Variants in MAP4K3 observed in about 807,000 individuals in gnomAD.
The protein encoded by MAP4K3 is MAPK/ERK kinase kinase kinase 3.
In MAP4K3, 94 loss-of-function variants were observed where a neutral mutation model predicts 143.5. The observed-to-expected ratio is 0.65, with a 90% CI of 0.55 to 0.78. MAP4K3 has a LOEUF of 0.78. MAP4K3 is among the 30% of genes least tolerant of loss of function. The pLI is 0.00. For synonymous variants in MAP4K3, 416 were observed against 347.2 expected (o/e 1.20, Z -2.20); for missense variants, 1,077 against 1,068.1 (o/e 1.01, Z -0.12).
Position 39,288,304 on chromosome 2 carries a change from C to A in MAP4K3, c.1315-24G>T, listed in dbSNP as rs773347539. 11 of 1,601,614 alleles carry A rather than the reference C, an allele frequency of 6.9e-6. No homozygotes were observed. The East Asian group carries it at 8.9e-5, about 13-fold the overall frequency. ...GGCTGAAATAATATAGAAAAAGAGA[C>A]CAACAATGAAACATCAAATTATTTT... On this transcript the variant is annotated intron_variant, in intron 19 of 33. Transcript: ENST00000263881.
At chr2:39,282,194 C>CA (rs58168334) in intron 22 of MAP4K3, among the ~76,000 whole-genome samples, 15,609 of 105,866 alleles carry the variant, frequency 0.15, 1,133 homozygotes, top group African/African-American at 0.27. Context: ...GACTCCGTCT[C>CA]AAAAAAAAAA....
At chr2:39,389,082 T>C (rs1484483088) in intron 1 of MAP4K3, among the ~76,000 whole-genome samples, 1 of 152,052 alleles carries the variant, frequency 6.6e-6, no homozygotes, top group Non-Finnish European at 1.5e-5. Context: ...AGGTATTAAA[T>C]ACATAGGACA....
At chr2:39,374,997 C>T (rs1666179312) in intron 2 of MAP4K3, among the ~76,000 whole-genome samples, 2 of 152,148 alleles carry the variant, frequency 1.3e-5, no homozygotes, top group African/African-American at 4.8e-5. Flanking sequence ...CATAGTGGCT[C>T]ATGCTTGTAA....
chr2:39,353,325 T>C (rs1268205824), intron 3 of MAP4K3, among the ~76,000 whole-genome samples: 1 of 152,210 alleles, frequency 6.6e-6, no homozygotes, highest in Admixed American at 6.5e-5. Context: ...GGGAAGAATC[T>C]CTACAGAAGA....
chr2:39,358,317 T>G (rs761127892), intron 2 of MAP4K3, among the ~76,000 whole-genome samples: 7 of 152,186 alleles, frequency 4.6e-5, no homozygotes, highest in Non-Finnish European at 1.0e-4. Flanking sequence ...ATCATCTTTG[T>G]ACCCCTAGTA....
intron 12 of MAP4K3, among the ~76,000 whole-genome samples, chr2:39,322,616 G>A (rs946763186): frequency 1.8e-3 from 268 of 149,654 alleles, no homozygotes; most frequent in African/African-American, 6.0e-3. Context: ...GTGTGTGTGT[G>A]TATATATGTA....
intron 1 of MAP4K3, among the ~76,000 whole-genome samples, chr2:39,436,103 T>C (rs1323466024): frequency 6.6e-6 from 1 of 152,172 alleles, no homozygotes; most frequent in East Asian, 1.9e-4. Context: ...GCAGTAACTG[T>C]GAGGCCAAGA....
chr2:39,351,915 C>G (rs1665470926), intron 3 of MAP4K3, among the ~76,000 whole-genome samples: 1 of 152,212 alleles, frequency 6.6e-6, no homozygotes, highest in African/African-American at 2.4e-5. Context: ...AGATGATCCA[C>G]CTGCCTCAGC....
intron 15 of MAP4K3, among the ~76,000 whole-genome samples, chr2:39,302,763 C>A (rs769250377): frequency 6.6e-6 from 1 of 152,170 alleles, no homozygotes; most frequent in Non-Finnish European, 1.5e-5. Context: ...AGTGTTTACA[C>A]AGTAGAGTCA....
At chr2:39,318,298 G>C (rs1441676884) in intron 12 of MAP4K3, among the ~76,000 whole-genome samples, 1 of 151,998 alleles carries the variant, frequency 6.6e-6, no homozygotes, top group African/African-American at 2.4e-5. Context: ...CTAGGCTTAT[G>C]ACCTGGGTGA....
intron 24 of MAP4K3, among the ~76,000 whole-genome samples, chr2:39,277,910 A>G (rs942929891): frequency 1.3e-5 from 2 of 151,864 alleles, no homozygotes. Context: ...GGGGTGGCTC[A>G]TATCTATAAT....
intron 1 of MAP4K3, among the ~76,000 whole-genome samples, chr2:39,378,725 ACAGT>A (rs1256400834): frequency 1.3e-5 from 2 of 152,120 alleles, no homozygotes; most frequent in Non-Finnish European, 2.9e-5. Flanking sequence ...ACCTGATGGT[ACAGT>A]CAAATACATG....
At chr2:39,431,107 A>C (rs1434014168) in intron 1 of MAP4K3, among the ~76,000 whole-genome samples, 6 of 152,230 alleles carry the variant, frequency 3.9e-5, no homozygotes, top group Non-Finnish European at 2.9e-5. Flanking sequence ...ACAGGCTATA[A>C]ACAAATAAAC....
At chr2:39,389,283 G>A (rs1363049837) in intron 1 of MAP4K3, among the ~76,000 whole-genome samples, 2 of 152,182 alleles carry the variant, frequency 1.3e-5, no homozygotes, top group South Asian at 2.1e-4. Flanking sequence ...GCAGCAAAGA[G>A]AGCAAGAGAT....
At chr2:39,315,418 G>C (rs781515266) in intron 12 of MAP4K3, 30 bp from the exon 13 acceptor site, 3 of 1,406,272 alleles carry the variant, frequency 2.1e-6, no homozygotes, top group East Asian at 2.3e-5. Context: ...ATGATATGCA[G>C]CATTTGATAA....
At chr2:39,266,341 T>C (rs1680762625) in intron 27 of MAP4K3, among the ~76,000 whole-genome samples, 4 of 152,244 alleles carry the variant, frequency 2.6e-5, no homozygotes, top group Admixed American at 2.6e-4. Context: ...TTTGCACTGC[T>C]ACTGCTCTAG....
intron 2 of MAP4K3, among the ~76,000 whole-genome samples, chr2:39,364,923 T>C (rs1419239550): frequency 6.7e-6 from 1 of 150,094 alleles, no homozygotes; most frequent in Non-Finnish European, 1.5e-5. Flanking sequence ...ATCATGCAGA[T>C]GAAGCCTCCA....
intron 2 of MAP4K3, among the ~76,000 whole-genome samples, chr2:39,361,549 A>G (rs912020651): frequency 6.6e-6 from 1 of 151,972 alleles, no homozygotes; most frequent in African/African-American, 2.4e-5. Context: ...AAAGGCAGAA[A>G]CAATTTTTTA....
intron 1 of MAP4K3, among the ~76,000 whole-genome samples, chr2:39,396,529 G>C (rs1666810780): frequency 6.7e-6 from 1 of 149,556 alleles, no homozygotes; most frequent in South Asian, 2.1e-4. Flanking sequence ...GCCCAGGCTG[G>C]AGTGCAATGG....
Sources: allele counts gnomAD v4.1 joint callset (sites outside exome capture counted in the v4.1 genomes callset), GRCh38; gene constraint gnomAD v4.1.1; transcripts MANE v1.5; gene names NCBI Gene and HGNC (gene_info 2026-07-23, HGNC 2026-07-21).